DYNC2H1: variants seen among roughly 807,000 people sequenced by gnomAD.
DYNC2H1 encodes the protein cytoplasmic dynein 2 heavy chain 1.
In DYNC2H1, 410 loss-of-function variants were observed where a neutral mutation model predicts 570.0. That is an observed-to-expected ratio of 0.72 (90% CI 0.66 to 0.78). DYNC2H1 has a LOEUF of 0.78. Ranked by LOEUF, DYNC2H1 falls within the 30% of genes least tolerant of loss-of-function variation. The pLI is 0.00. For missense variants in DYNC2H1, 4,865 were observed against 5,046.4 expected (o/e 0.96, Z 1.09); for synonymous variants, 1,688 against 1,677.6 (o/e 1.01, Z -0.15).
Position 103,146,715 on chromosome 11 carries a change from A to G in DYNC2H1, c.2703-1057A>G, listed in dbSNP as rs138553228. Among the ~76,000 whole-genome samples the G allele has an allele frequency of 2.6e-4, 39 of 151,860 alleles. No individual in the cohort carries two copies. In the East Asian group the frequency reaches 7.0e-3, roughly 27 times the overall value. ...CCTTCTGGGTTCAAGCAATTCTCCT[A>G]CCTCAGCCTCCTGAGTAGCTGGGAT... is the stretch of plus-strand genomic sequence containing the variant. On this transcript the variant is annotated intron_variant, in intron 18 of 88. Transcript: ENST00000375735.
intron 82 of DYNC2H1, among the ~76,000 whole-genome samples, chr11:103,355,622 G>A (rs1304012634): frequency 6.6e-6 from 1 of 152,176 alleles, no homozygotes; most frequent in Non-Finnish European, 1.5e-5. Flanking sequence ...AGGTGTTCCT[G>A]AAATGTCTCT....
rs1862224122 is a variant in DYNC2H1, at chr11:103,189,807, G to A, written c.7428G>A (p.Val2476=). The change falls in exon 45 of 89, where the codon GTG becomes GTA. Residue 2476 remains valine, a synonymous_variant. Coordinates refer to ENST00000375735, the MANE Select transcript of DYNC2H1 (RefSeq NM_001377.3). The surrounding 1 kb of genome is among the most constrained non-coding windows in gnomAD (Gnocchi z 4.3). ...IYLLAGSMVQ[V]YEQVRAKFTV... ...TTTTAGCAGGATCTATGGTACAAGT[G>A]TATGAACAGGTAGATATGCATCTAA... 6.2e-7 allele frequency: 1 copy of A among 1,604,938 alleles called. No homozygotes were observed. Among genetic ancestry groups the A allele is most frequent in the South Asian group, 1.1e-5 (1 of 89,544 alleles).
At position 103,109,756 on chromosome 11, in the gene DYNC2H1, C is replaced by G. The variant is rs1858019576; in HGVS notation, c.182C>G (p.Ser61Cys). 1 of 1,613,544 alleles carries G rather than the reference C, an allele frequency of 6.2e-7. No individual in the cohort carries two copies. Among genetic ancestry groups the G allele is most frequent in the East Asian group, 2.2e-5 (1 of 44,864 alleles). ...LRVQRSDAGISFSNTIEFGDT... is the reference protein window; with the variant it reads ...LRVQRSDAGICFSNTIEFGDT... The stretch of plus-strand genomic sequence containing the variant: ...GTGCAGCGATCCGACGCAGGAATCT[C>G]CTTTTCCAACACGGTACGGTTCCTT... The change falls in exon 1 of 89, where the codon TCC becomes TGC. Residue 61 changes from serine to cysteine, a missense_variant. Physicochemically the swap from Ser to Cys is moderately radical, Grantham distance 112. This residue lies in a region of DYNC2H1 where 1,936 missense variants were observed against 1,962.1 expected (regional missense o/e 0.99). Coordinates refer to ENST00000375735, the MANE Select transcript of DYNC2H1 (RefSeq NM_001377.3).
intron 36 of DYNC2H1, among the ~76,000 whole-genome samples, chr11:103,174,942 G>A (rs1861739505): frequency 7.0e-6 from 1 of 141,948 alleles, no homozygotes; most frequent in South Asian, 2.4e-4. Context: ...TTGGGGGGGT[G>A]GGGTGGGGTG....
At chr11:103,219,216 CAAAAAGAAA>C (rs151293133) in intron 55 of DYNC2H1, among the ~76,000 whole-genome samples, 7,536 of 149,804 alleles carry the variant, frequency 0.05, 249 homozygotes, top group Non-Finnish European at 0.072. Flanking sequence ...GACCCTGTCT[CAAAAAGAAA>C]AAAAGGAAAA....
At chr11:103,309,199 G>T (rs1350092574) in intron 78 of DYNC2H1, among the ~76,000 whole-genome samples, 2 of 53,500 alleles carry the variant, frequency 3.7e-5, no homozygotes, top group Non-Finnish European at 4.4e-5. Flanking sequence ...TTTTGAGATG[G>T]GGTCTCGCTC....
intron 1 of DYNC2H1, among the ~76,000 whole-genome samples, chr11:103,111,073 G>A (rs944969147): frequency 2.0e-5 from 3 of 152,144 alleles, no homozygotes; most frequent in Non-Finnish European, 2.9e-5. Flanking sequence ...TGATCCACCC[G>A]CCTTGGCCTC....
chr11:103,144,071 A>C (rs1565338917), intron 18 of DYNC2H1, among the ~76,000 whole-genome samples: 1 of 152,256 alleles, frequency 6.6e-6, no homozygotes, highest in Non-Finnish European at 1.5e-5. Flanking sequence ...AAGAGGAAGA[A>C]GACAGAGGAC....
At chr11:103,134,187 A>G (rs1859418507) in intron 14 of DYNC2H1, 134 bp from the exon 15 acceptor site, 2 of 684,738 alleles carry the variant, frequency 2.9e-6, no homozygotes, top group Non-Finnish European at 4.9e-6. Flanking sequence ...ACATTGGTCA[A>G]GTATTGATAT....
In DYNC2H1 at chr11:103,259,903, G is replaced by T; in HGVS notation, c.10621G>T (p.Glu3541Ter). 1 of 1,538,060 alleles carries T rather than the reference G, an allele frequency of 6.5e-7. No homozygotes were observed. Among genetic ancestry groups the T allele is most frequent in the Non-Finnish European group, 8.8e-7 (1 of 1,140,522 alleles). Residue 3541 changes from glutamate (E) to a stop codon, truncating the protein, a stop_gained, in exon 70 of 89, where the codon GAA becomes TAA. Transcript: ENST00000375735. LOFTEE classifies it high-confidence loss of function. ...LQNKQDSENT[E>*]QRIQSLISSL... ...TAATCTACAGGATTCTGAAAATACA[G>T]AACAGAGAATCCAGTCACTTATCAG... is the stretch of plus-strand genomic sequence containing the variant.
intron 31 of DYNC2H1, among the ~76,000 whole-genome samples, chr11:103,167,695 G>C (rs114427889): frequency 0.018 from 2,782 of 152,218 alleles, 83 homozygotes; most frequent in African/African-American, 0.062. Flanking sequence ...AATAATTTTG[G>C]ATGATACCAT....
intron 83 of DYNC2H1, among the ~76,000 whole-genome samples, chr11:103,391,813 A>G (rs537359257): frequency 8.5e-5 from 13 of 152,322 alleles, no homozygotes; most frequent in African/African-American, 2.2e-4. Context: ...AGAACAGCCA[A>G]TATTGCTGAA....
intron 14 of DYNC2H1, 126 bp from the exon 15 acceptor site, chr11:103,134,195 T>C: frequency 1.4e-6 from 1 of 706,994 alleles, no homozygotes; most frequent in Non-Finnish European, 2.3e-6. Flanking sequence ...CAAGTATTGA[T>C]ATGTCTTGTA....
rs889955847 is a variant in DYNC2H1, at chr11:103,465,136, A to G, written c.12649-3453A>G. ...CCATAGCAGAAAAGGAGAAAAAGCA[A>G]AAAAAGGTAAAGAGAAAAAAATATA... is the stretch of plus-strand genomic sequence containing the variant. On this transcript the variant is annotated intron_variant, in intron 87 of 88. Transcript: ENST00000375735. The surrounding 1 kb of genome is among the most constrained non-coding windows in gnomAD (Gnocchi z 4.9). Among the ~76,000 whole-genome samples, 1 of 152,134 alleles carries G rather than the reference A, an allele frequency of 6.6e-6. No homozygotes were observed. Among genetic ancestry groups the G allele is most frequent in the African/African-American group, 2.4e-5 (1 of 41,444 alleles).
In DYNC2H1 at chr11:103,446,805, T is replaced by A. The variant is rs966308114; in HGVS notation, c.12457-8381T>A. On this transcript the variant is annotated intron_variant, in intron 85 of 88. Coordinates refer to ENST00000375735, the MANE Select transcript of DYNC2H1 (RefSeq NM_001377.3). This position sits in a 1 kb window ranked among gnomAD's most constrained non-coding sequence, Gnocchi z 4.5. ...AAAGGCAAGAGGAAATAGGGCCCAATGCACATGTGGAAAGATAGGCCTTAA... is the reference window on the plus strand; with the variant it reads ...AAAGGCAAGAGGAAATAGGGCCCAAAGCACATGTGGAAAGATAGGCCTTAA... Among the ~76,000 whole-genome samples, 1 of 152,044 alleles carries A rather than the reference T, an allele frequency of 6.6e-6. No individual in the cohort carries two copies. Among genetic ancestry groups the A allele is most frequent in the Admixed American group, 6.6e-5 (1 of 15,252 alleles).
chr11:103,230,073 C>G (rs915572443), intron 59 of DYNC2H1, among the ~76,000 whole-genome samples: 7 of 152,136 alleles, frequency 4.6e-5, no homozygotes, highest in African/African-American at 1.7e-4. Flanking sequence ...CTCGCAATCT[C>G]TGTTTTGACA....
chr11:103,368,513 T>C (rs555335931), intron 83 of DYNC2H1, among the ~76,000 whole-genome samples: 1 of 152,316 alleles, frequency 6.6e-6, no homozygotes, highest in Admixed American at 6.5e-5. Context: ...ATGTATTGTT[T>C]GCAAATATTT....
intron 80 of DYNC2H1, among the ~76,000 whole-genome samples, chr11:103,317,195 T>G (rs1937899247): frequency 6.6e-6 from 1 of 151,882 alleles, no homozygotes; most frequent in Non-Finnish European, 1.5e-5. Flanking sequence ...TTGATAGTAA[T>G]CTCAAACTTA....
chr11:103,270,930 C>T (rs1290323277), intron 70 of DYNC2H1, among the ~76,000 whole-genome samples: 1 of 152,078 alleles, frequency 6.6e-6, no homozygotes, highest in Non-Finnish European at 1.5e-5. Flanking sequence ...GAATTAATAT[C>T]TTAGATTTGA....
Sources: gnomAD v4.1 joint callset for allele counts (sites outside exome capture counted in the v4.1 genomes callset) on GRCh38, gnomAD v4.1.1 for gene constraint, gnomAD v4.1.1 regional missense constraint, Gnocchi (gnomAD v3.1) non-coding constraint, MANE v1.5 for transcripts, NCBI Gene and HGNC (gene_info 2026-07-23, HGNC 2026-07-21) for gene names.